The following DNAJC3 variants were observed in gnomAD, a reference collection of about 807,000 sequenced individuals.
The protein encoded by DNAJC3 is dnaJ homolog subfamily C member 3.
In DNAJC3, 38 loss-of-function variants were observed where a neutral mutation model predicts 68.6. The ratio of observed to expected loss-of-function variants is 0.55; its 90% confidence interval spans 0.43 to 0.73. The LOEUF is 0.73. Ranked by LOEUF, DNAJC3 falls within the 30% of genes least tolerant of loss-of-function variation. The probability of loss-of-function intolerance (pLI) is 0.00; values close to 1 mark genes in which losing one functional copy is unlikely to be tolerated. For missense variants in DNAJC3, 526 were observed against 591.9 expected, an observed-to-expected ratio of 0.89 and a Z score of 1.16; for synonymous variants, 203 against 204.0, an observed-to-expected ratio of 1.00 and a Z score of 0.04.
At chr13:95,773,921 G>C (rs1032076747) in intron 9 of DNAJC3, among the ~76,000 whole-genome samples, 4 of 151,878 alleles carry the variant, frequency 2.6e-5, no homozygotes, top group African/African-American at 9.7e-5. Flanking sequence ...TATTTTAGTA[G>C]AGACGGGGTT....
rs200548946 is a variant in DNAJC3 at position 95,790,885 on chromosome 13, A to G, written c.1370A>G (p.Lys457Arg). 9.3e-6 allele frequency: 15 copies of G among 1,609,358 alleles called. No homozygotes were observed. In the East Asian group the frequency reaches 2.9e-4, roughly 31 times the overall value. The change falls in exon 12 of 12, where the codon AAG (lysine) becomes AGG (arginine). Residue 457 changes from lysine (K) to arginine (R), a missense_variant. By Grantham distance (26) the Lys-to-Arg change is conservative (BLOSUM62 2). Transcript: ENST00000602402. ...EVLSDPEMRKKFDDGEDPLDA... is the reference protein window; with the variant it reads ...EVLSDPEMRKRFDDGEDPLDA... ...GATTTCTTTCTAGAAATGAGAAAGA[A>G]GTTTGACGACGGAGAAGATCCTTTG...
chr13:95,697,804 T>A (rs1165992492), intron 1 of DNAJC3, among the ~76,000 whole-genome samples: 1 of 151,268 alleles, frequency 6.6e-6, no homozygotes, highest in Non-Finnish European at 1.5e-5. Flanking sequence ...TTTTTTTTTT[T>A]TTTAAAGACA....
intron 4 of DNAJC3, among the ~76,000 whole-genome samples, chr13:95,753,028 TG>T (rs1416611683): frequency 6.6e-6 from 1 of 152,194 alleles, no homozygotes; most frequent in Non-Finnish European, 1.5e-5. Flanking sequence ...AGGTCTCTTG[TG>T]TATATTTCTG....
At chr13:95,784,154 C>G (rs1883528964) in intron 9 of DNAJC3, among the ~76,000 whole-genome samples, 1 of 152,178 alleles carries the variant, frequency 6.6e-6, no homozygotes. Context: ...GTCTTTTATC[C>G]TAGTGAAATG....
intron 1 of DNAJC3, among the ~76,000 whole-genome samples, chr13:95,679,742 T>G (rs749681657): frequency 2.1e-4 from 32 of 152,234 alleles, no homozygotes; most frequent in Non-Finnish European, 3.5e-4. Flanking sequence ...CTTATTAATC[T>G]GCTTCACTAT....
chr13:95,757,271 A>C (rs1205625653), intron 4 of DNAJC3, among the ~76,000 whole-genome samples: 1 of 152,132 alleles, frequency 6.6e-6, no homozygotes, highest in Non-Finnish European at 1.5e-5. Flanking sequence ...AGGAACTATA[A>C]GTAGAAGGCA....
intron 9 of DNAJC3, among the ~76,000 whole-genome samples, chr13:95,784,473 C>A (rs970619029): frequency 6.6e-6 from 1 of 152,178 alleles, no homozygotes; most frequent in African/African-American, 2.4e-5. Context: ...ATGAGAAATT[C>A]TACAATGTGT....
At chr13:95,714,379 T>G (rs940182966) in intron 2 of DNAJC3, among the ~76,000 whole-genome samples, 3 of 150,496 alleles carry the variant, frequency 2.0e-5, no homozygotes, top group African/African-American at 7.4e-5. Context: ...AGTGAGACTC[T>G]GTCTGTCTCC....
intron 11 of DNAJC3, 116 bp from the exon 12 acceptor site, chr13:95,790,757 A>G: frequency 8.4e-7 from 1 of 1,192,570 alleles, no homozygotes. Flanking sequence ...ACTCTTGATA[A>G]CCGAAAAGTA....
intron 11 of DNAJC3, among the ~76,000 whole-genome samples, chr13:95,789,890 GCTT>G (rs1463148412): frequency 6.6e-6 from 1 of 152,074 alleles, no homozygotes; most frequent in African/African-American, 2.4e-5. Flanking sequence ...GTGATGTTGA[GCTT>G]TTTTTCATAT....
chr13:95,763,025 A>C (rs1882870114), intron 7 of DNAJC3, among the ~76,000 whole-genome samples: 1 of 152,294 alleles, frequency 6.6e-6, no homozygotes, highest in South Asian at 2.1e-4. Flanking sequence ...GCATAGAAAC[A>C]TATTTTTTAC....
chr13:95,691,630 G>A (rs1336852845), intron 1 of DNAJC3, among the ~76,000 whole-genome samples: 1 of 152,100 alleles, frequency 6.6e-6, no homozygotes, highest in African/African-American at 2.4e-5. Context: ...AGGCGGAGAC[G>A]CTCCTCACTT....
At chr13:95,685,099 A>T (rs904278402) in intron 1 of DNAJC3, among the ~76,000 whole-genome samples, 1 of 152,366 alleles carries the variant, frequency 6.6e-6, no homozygotes. Flanking sequence ...CCAGAATGGT[A>T]GATCCGCTGA....
chr13:95,704,853 T>G (rs965455787), intron 1 of DNAJC3, among the ~76,000 whole-genome samples: 24 of 133,418 alleles, frequency 1.8e-4, no homozygotes, highest in East Asian at 4.1e-4. Flanking sequence ...GTGTGTGTGT[T>G]TTTTTTTTTT....
At chr13:95,786,535 T>C (rs1174495274) in intron 10 of DNAJC3, among the ~76,000 whole-genome samples, 1 of 152,166 alleles carries the variant, frequency 6.6e-6, no homozygotes, top group Non-Finnish European at 1.5e-5. Context: ...GTGGGTGAAT[T>C]CTGAAATTAA....
chr13:95,686,996 A>G (rs1378384711), intron 1 of DNAJC3, among the ~76,000 whole-genome samples: 3 of 152,186 alleles, frequency 2.0e-5, no homozygotes, highest in African/African-American at 7.2e-5. Context: ...GATAGTCTCC[A>G]AATCCATGAG....
At chr13:95,690,376 T>C (rs1293755407) in intron 1 of DNAJC3, among the ~76,000 whole-genome samples, 13 of 151,952 alleles carry the variant, frequency 8.6e-5, no homozygotes, top group Admixed American at 3.9e-4. Flanking sequence ...AAGTCTCCCA[T>C]GTCTACTTCT....
At chr13:95,735,441 T>C (rs1419296041) in intron 4 of DNAJC3, among the ~76,000 whole-genome samples, 2 of 129,186 alleles carry the variant, frequency 1.5e-5, no homozygotes, top group East Asian at 2.2e-4. Context: ...CCACCAACAG[T>C]GTAAAAGTGT....
intron 1 of DNAJC3, among the ~76,000 whole-genome samples, chr13:95,707,972 A>G (rs779724780): frequency 5.3e-5 from 8 of 152,166 alleles, no homozygotes; most frequent in Non-Finnish European, 1.0e-4. Context: ...AAGGGAGTCC[A>G]GGTGCTTCTG....
Sources: gnomAD v4.1 joint callset for allele counts (sites outside exome capture counted in the v4.1 genomes callset) on GRCh38, gnomAD v4.1.1 for gene constraint, MANE v1.5 for transcripts, NCBI Gene and HGNC (gene_info 2026-07-23, HGNC 2026-07-21) for gene names.